RAB13: variants seen among roughly 807,000 people sequenced by gnomAD.
RAB13 encodes ras-related protein Rab-13.
RAB13 carries 15 observed loss-of-function variants against 29.3 expected under a neutral mutation model. The observed-to-expected ratio is 0.51, with a 90% CI of 0.34 to 0.79. The LOEUF is 0.79. RAB13 is among the 30% of genes least tolerant of loss of function. The pLI, the probability that RAB13 is intolerant of heterozygous loss-of-function variation, is 0.01. For synonymous variants in RAB13, 82 were observed against 93.8 expected, an observed-to-expected ratio of 0.87 and a Z score of 0.73; for missense variants, 186 against 255.5, an observed-to-expected ratio of 0.73 and a Z score of 1.85.
chr1:153,985,163 C>G (rs910837805), intron 1 of RAB13: 2 of 1,022,078 alleles, frequency 2.0e-6, no homozygotes, highest in African/African-American at 3.5e-5. Context: ...GCCCTCTACT[C>G]TTGGTATCCC....
chr1:153,990,669 T>G, upstream of RAB13: 8 of 1,310,738 alleles, frequency 6.1e-6, no homozygotes, highest in Non-Finnish European at 8.8e-6. Flanking sequence ...CTGCGGCGGA[T>G]CAAAGTAAGA....
chr1:153,985,447 A>C (rs1158652530), intron 1 of RAB13: 1 of 914,562 alleles, frequency 1.1e-6, no homozygotes, highest in Non-Finnish European at 1.3e-6. Context: ...CACCTCCCCC[A>C]AGCCTGCTGG....
In RAB13 at chr1:153,985,022, C is replaced by G. The variant is rs1354434218; in HGVS notation, c.125-241G>C. The G allele has an allele frequency of 5.7e-6, 7 of 1,233,276 alleles. No homozygotes were observed. The Admixed American group carries it at 1.4e-4, about 24-fold the overall frequency. 76.4% of individuals were successfully genotyped at this position (1,233,276 alleles called of 1,614,324 possible). A position where few individuals can be genotyped will look rare whatever the true frequency, so the allele number is the denominator to read the frequency against. On this transcript the variant is annotated intron_variant, in intron 1 of 7. Coordinates refer to ENST00000368575, the MANE Select transcript of RAB13 (RefSeq NM_002870.5). ...TGGGAGGGAAAAGGTGACGAAAATT[C>G]TGCATGGAGGCTTAAAATCCTTAGG...
upstream of RAB13, among the ~76,000 whole-genome samples, chr1:153,987,546 G>GAA (rs1649214001): frequency 7.7e-6 from 1 of 129,398 alleles, no homozygotes; most frequent in South Asian, 2.6e-4. Flanking sequence ...GAAAGAAAGA[G>GAA]AGTAAAAGAG....
At chr1:153,988,294 A>G (rs1358992703), upstream of RAB13, among the ~76,000 whole-genome samples, 2 of 107,552 alleles carry the variant, frequency 1.9e-5, no homozygotes, top group Admixed American at 9.9e-5. Context: ...GCCTGGCCCT[A>G]TTTTTTTTTT....
chr1:153,988,674 T>C (rs1351716146), upstream of RAB13, among the ~76,000 whole-genome samples: 1 of 149,384 alleles, frequency 6.7e-6, no homozygotes, highest in East Asian at 1.9e-4. Flanking sequence ...GGTGCAATGG[T>C]GTGATCTGGG....
chr1:153,985,723 GCA>G (rs1491384764), intron 1 of RAB13, among the ~76,000 whole-genome samples: 2 of 137,192 alleles, frequency 1.5e-5, no homozygotes, highest in African/African-American at 5.1e-5. Context: ...AAAGAGGCTA[GCA>G]TCGGATCGGG....
intron 1 of RAB13, chr1:153,985,487 GC>G: frequency 5.7e-6 from 3 of 523,270 alleles, no homozygotes; most frequent in Non-Finnish European, 7.4e-6. Flanking sequence ...GAGTCACCAG[GC>G]TGACTCAGAG....
At chr1:153,987,528 A>AAGAAAG (rs1553215354), upstream of RAB13, among the ~76,000 whole-genome samples, 6 of 127,488 alleles carry the variant, frequency 4.7e-5, 1 homozygote, top group African/African-American at 1.7e-4. Context: ...AAAAAAAAAA[A>AAGAAAG]AAAGAAAGAA....
chr1:153,986,125 TGTAA>T lies in RAB13; in HGVS notation c.108_111del (p.Tyr37SerfsTer15), dbSNP rs1403060343. 3 of 1,613,156 alleles carry T rather than the reference TGTAA, an allele frequency of 1.9e-6. No individual in the cohort carries two copies. The highest frequency in any genetic ancestry group is 1.7e-4 in the Middle Eastern group (1 of 5,808). ...CCAGCGGGCTCACCGATGGTGGAGA[TGTAA>T]GTGTTGTTGAAGTTGTCCTCTGCAA... On this transcript the variant is annotated frameshift_variant, in exon 1 of 8. Transcript: ENST00000368575. LOFTEE classifies it high-confidence loss of function.
rs1412105524 is a variant in RAB13 at position 153,983,458 on chromosome 1, T to C, written c.246+63A>G. 2.0e-6 allele frequency: 3 copies of C among 1,536,896 alleles called. No individual in the cohort carries two copies. The African/African-American group carries it at 4.1e-5, about 21-fold the overall frequency. ...TTTACCTGCCCCAACCCCTGACCCT[T>C]TGTATTCATAATATATTCTGTAGCC... is the stretch of plus-strand genomic sequence containing the variant. On this transcript the variant is annotated intron_variant, in intron 3 of 7. Transcript: ENST00000368575.
chr1:153,987,588 T>A (rs894881662), upstream of RAB13, among the ~76,000 whole-genome samples: 5 of 148,076 alleles, frequency 3.4e-5, no homozygotes, highest in Non-Finnish European at 4.5e-5. Context: ...TAGAAAAAAA[T>A]TATTCTTGCT....
chr1:153,986,909 C>G (rs941720971), upstream of RAB13, among the ~76,000 whole-genome samples: 1 of 152,166 alleles, frequency 6.6e-6, no homozygotes, highest in Non-Finnish European at 1.5e-5. Context: ...AGTCTGCCCC[C>G]TGGTGGAACA....
chr1:153,983,125 C>CAAA, intron 4 of RAB13, 94 bp downstream of exon 4: 10 of 916,572 alleles, frequency 1.1e-5, no homozygotes, highest in African/African-American at 1.7e-5. Flanking sequence ...AACTTCATCT[C>CAAA]AAAAAAAAAA....
intron 1 of RAB13, chr1:153,985,238 T>G: frequency 2.0e-6 from 2 of 986,758 alleles, no homozygotes; most frequent in Non-Finnish European, 2.4e-6. Context: ...AATTAACTAG[T>G]GGGCCAAACT....
chr1:153,984,284 CTCTTA>C (rs1186138384), intron 2 of RAB13, among the ~76,000 whole-genome samples: 1 of 151,958 alleles, frequency 6.6e-6, no homozygotes, highest in African/African-American at 2.4e-5. Context: ...CACCAGTCTG[CTCTTA>C]TATGTCATAG....
chr1:153,986,124 A>G lies in RAB13; in HGVS notation c.113T>C (p.Ile38Thr). 1 of 1,613,422 alleles carries G rather than the reference A, an allele frequency of 6.2e-7. No homozygotes were observed. Among genetic ancestry groups the G allele is most frequent in the Non-Finnish European group, 8.5e-7 (1 of 1,179,882 alleles). The change falls in exon 1 of 8, where the codon ATC becomes ACC. Residue 38 changes from isoleucine to threonine, a missense_variant. By Grantham distance (89) the Ile-to-Thr change is moderately conservative. Transcript: ENST00000368575. ...GCCAGCGGGCTCACCGATGGTGGAG[A>G]TGTAAGTGTTGTTGAAGTTGTCCTC... ...FAEDNFNNTY[I>T]STIGIDFKIR...
Position 153,986,046 on chromosome 1 carries a change from G to A in RAB13, c.124+67C>T, listed in dbSNP as rs972873221. The A allele has an allele frequency of 1.9e-6, 3 of 1,602,798 alleles. No individual in the cohort carries two copies. In the African/African-American group the frequency reaches 4.0e-5, roughly 21 times the overall value. ...AGGGGACTGAAAAGTGGGGTCACTA[G>A]TAATCCGGGAGCCGGAGAAGGAGGT... is the stretch of plus-strand genomic sequence containing the variant. On this transcript the variant is annotated intron_variant, in intron 1 of 7. Coordinates refer to ENST00000368575, the MANE Select transcript of RAB13 (RefSeq NM_002870.5).
intron 2 of RAB13, among the ~76,000 whole-genome samples, chr1:153,984,120 T>A (rs1251618689): frequency 7.1e-6 from 1 of 140,806 alleles, no homozygotes; most frequent in Non-Finnish European, 1.5e-5. Context: ...GAGGTTAAAG[T>A]GAGCCTAGAT....
Sources: allele counts gnomAD v4.1 joint callset (sites outside exome capture counted in the v4.1 genomes callset), GRCh38; gene constraint gnomAD v4.1.1; transcripts MANE v1.5; gene names NCBI Gene and HGNC (gene_info 2026-07-23, HGNC 2026-07-21).